SCRG1: variants seen among roughly 807,000 people sequenced by gnomAD.
The protein encoded by SCRG1 is stimulator of chondrogenesis 1.
SCRG1 carries 3 observed loss-of-function variants against 7.7 expected under a neutral mutation model. The ratio of observed to expected loss-of-function variants is 0.39; its 90% CI spans 0.18 to 1.01. The LOEUF is 1.01. Among genes scored for constraint, SCRG1 ranks in the 50% least tolerant of loss-of-function variants. SCRG1 has a pLI of 0.36. For synonymous variants in SCRG1, 46 were observed against 41.2 expected, an observed-to-expected ratio of 1.12 and a Z score of -0.44; for missense variants, 110 against 117.2, an observed-to-expected ratio of 0.94 and a Z score of 0.28.
chr4:173,395,170 C>T (rs1167532491), intron 1 of SCRG1, among the ~76,000 whole-genome samples: 2 of 152,044 alleles, frequency 1.3e-5, no homozygotes, highest in Non-Finnish European at 2.9e-5. Flanking sequence ...CCTTTCTTTT[C>T]CTTAATGATA....
At chr4:173,477,751 C>G in the SCRG1 span, among the ~76,000 whole-genome samples, 7 of 88,616 alleles carry the variant, frequency 7.9e-5, no homozygotes, top group Admixed American at 1.4e-4. Context: ...TCCTTCCTTC[C>G]TTCCTTCCTT....
At chr4:173,515,262 G>A in the SCRG1 span, among the ~76,000 whole-genome samples, 5 of 152,058 alleles carry the variant, frequency 3.3e-5, no homozygotes, top group Non-Finnish European at 7.4e-5. This position sits in a 1 kb window ranked among gnomAD's most constrained non-coding sequence, Gnocchi z 4.6. Context: ...CCTGCCCCCC[G>A]CCAAAGAATG....
the SCRG1 span, among the ~76,000 whole-genome samples, chr4:173,432,489 T>C: frequency 7.2e-4 from 109 of 152,062 alleles, no homozygotes; most frequent in African/African-American, 2.5e-3. Flanking sequence ...TCATTCCTTT[T>C]CTCTCAGTAT....
chr4:173,448,885 G>A, the SCRG1 span, among the ~76,000 whole-genome samples: 1 of 152,304 alleles, frequency 6.6e-6, no homozygotes, highest in East Asian at 1.9e-4. Context: ...CCTTGTACAG[G>A]TTCTTCCAAA....
At chr4:173,491,513 C>A in the SCRG1 span, among the ~76,000 whole-genome samples, 2 of 152,170 alleles carry the variant, frequency 1.3e-5, no homozygotes, top group Non-Finnish European at 2.9e-5. Flanking sequence ...ACAATTCCCT[C>A]TGGACAAAAA....
At chr4:173,402,288 A>G (rs189054306), upstream of SCRG1, among the ~76,000 whole-genome samples, 12 of 152,324 alleles carry the variant, frequency 7.9e-5, no homozygotes, top group East Asian at 1.7e-3. Flanking sequence ...CTATAGGTAT[A>G]TGTTATCACT....
chr4:173,410,777 A>T (rs183039401), upstream of SCRG1, among the ~76,000 whole-genome samples: 97 of 152,200 alleles, frequency 6.4e-4, no homozygotes, highest in South Asian at 6.2e-3. Context: ...TGGACTTTTT[A>T]AAAAAAACTA....
chr4:173,517,618 A>G, the SCRG1 span, among the ~76,000 whole-genome samples: 1 of 152,266 alleles, frequency 6.6e-6, no homozygotes, highest in East Asian at 1.9e-4. Context: ...GCGTGACCGG[A>G]TTGTTTCTGG....
the SCRG1 span, among the ~76,000 whole-genome samples, chr4:173,434,105 G>C: frequency 7.9e-5 from 12 of 152,166 alleles, no homozygotes; most frequent in Admixed American, 7.2e-4. Flanking sequence ...AGTCCTCCAA[G>C]GGAGTGGCTC....
the SCRG1 span, chr4:173,469,718 G>A: frequency 6.6e-6 from 1 of 152,178 alleles, no homozygotes; most frequent in African/African-American, 2.4e-5. Context: ...GCTTCAGGAA[G>A]GGAGAAGAAA....
At chr4:173,451,622 T>A in the SCRG1 span, among the ~76,000 whole-genome samples, 1 of 37,922 alleles carries the variant, frequency 2.6e-5, no homozygotes, top group East Asian at 6.3e-4. Context: ...TTTATTTTAT[T>A]TTACTTACTT....
the SCRG1 span, among the ~76,000 whole-genome samples, chr4:173,501,675 C>A: frequency 5.8e-3 from 883 of 152,206 alleles, 5 homozygotes; most frequent in African/African-American, 0.018. The surrounding 1 kb of genome is among the most constrained non-coding windows in gnomAD (Gnocchi z 5.1). Flanking sequence ...TGATGCTCTG[C>A]CCTTGTTAAA....
At chr4:173,490,644 G>A in the SCRG1 span, among the ~76,000 whole-genome samples, 1 of 152,182 alleles carries the variant, frequency 6.6e-6, no homozygotes, top group Non-Finnish European at 1.5e-5. Context: ...TTATTTCAAT[G>A]CCTTGATCTG....
chr4:173,389,889 A>G, intron 2 of SCRG1: 1 of 427,278 alleles, frequency 2.3e-6, no homozygotes, highest in Non-Finnish European at 4.8e-6. Context: ...AAATATGATG[A>G]CATCTGTTGA....
chr4:173,491,970 T>TC, the SCRG1 span, among the ~76,000 whole-genome samples: 1 of 150,524 alleles, frequency 6.6e-6, no homozygotes, highest in Admixed American at 6.6e-5. Context: ...TCTCTACAAT[T>TC]TTTTTTTTTA....
the SCRG1 span, among the ~76,000 whole-genome samples, chr4:173,465,968 C>T: frequency 6.6e-6 from 1 of 152,064 alleles, no homozygotes; most frequent in Non-Finnish European, 1.5e-5. Flanking sequence ...TTCCTTTTCT[C>T]CAAAACTTCC....
the SCRG1 span, among the ~76,000 whole-genome samples, chr4:173,414,161 G>A: frequency 1.3e-5 from 2 of 152,100 alleles, no homozygotes; most frequent in African/African-American, 4.8e-5. Flanking sequence ...CATGGCTGAG[G>A]GTCAGACCCC....
chr4:173,450,770 A>T, the SCRG1 span, among the ~76,000 whole-genome samples: 2 of 152,214 alleles, frequency 1.3e-5, no homozygotes, highest in Non-Finnish European at 2.9e-5. Flanking sequence ...AAGACCCTCA[A>T]CTAAGAGTAG....
chr4:173,412,399 TTTC>T, the SCRG1 span, among the ~76,000 whole-genome samples: 953 of 152,314 alleles, frequency 6.3e-3, 10 homozygotes, highest in African/African-American at 0.013. Flanking sequence ...ATCCCTACCA[TTTC>T]TTCTTCTGTT....
Sources: gnomAD v4.1 joint callset for allele counts (sites outside exome capture counted in the v4.1 genomes callset) on GRCh38, gnomAD v4.1.1 for gene constraint, Gnocchi (gnomAD v3.1) non-coding constraint, MANE v1.5 for transcripts, NCBI Gene and HGNC (gene_info 2026-07-23, HGNC 2026-07-21) for gene names.